SORBS2: variants seen among roughly 807,000 people sequenced by gnomAD.
The protein encoded by SORBS2 is sorbin and SH3 domain containing 2.
Under a neutral mutation model 97.7 loss-of-function variants are expected in SORBS2, and 46 were observed. The ratio of observed to expected loss-of-function variants is 0.47; its 90% CI spans 0.37 to 0.60. The LOEUF (loss-of-function observed/expected upper bound fraction) is 0.60, where lower values mean the gene tolerates loss of function less well. Among genes scored for constraint, SORBS2 ranks in the 20% least tolerant of loss-of-function variants. SORBS2 has a pLI of 0.00. For missense variants in SORBS2, 1,316 were observed against 1,282.3 expected, an observed-to-expected ratio of 1.03 and a Z score of -0.40; for synonymous variants, 476 against 473.4, an observed-to-expected ratio of 1.01 and a Z score of -0.07.
In SORBS2 at chr4:185,606,899, C is replaced by T. The variant is rs2096435659; in HGVS notation, c.2796+4881G>A. ...GCCACAAAATTATCCCCTAGGACTT[C>T]TGGTGCCTTTTTAGGGTCTGAGAAG... On this transcript the variant is annotated intron_variant, in intron 12 of 14. Coordinates refer to ENST00000418609, the Ensembl canonical transcript of SORBS2. This position sits in a 1 kb window ranked among gnomAD's most constrained non-coding sequence, Gnocchi z 4.3. 18 of 988,794 alleles carry T rather than the reference C, an allele frequency of 1.8e-5. No homozygotes were observed. Among genetic ancestry groups the T allele is most frequent in the Non-Finnish European group, 2.2e-5 (18 of 831,806 alleles). The allele number at this position is 988,794 out of a possible 1,614,324, so 61.3% of individuals were successfully genotyped here.
chr4:185,655,503 GACCTGGACCT>G (rs2097384314), intron 1 of SORBS2, among the ~76,000 whole-genome samples: 1 of 152,188 alleles, frequency 6.6e-6, no homozygotes, highest in African/African-American at 2.4e-5. Flanking sequence ...AGTCCTCATA[GACCTGGACCT>G]TCTTTGTCAA....
intron 2 of SORBS2, among the ~76,000 whole-genome samples, chr4:185,736,684 A>C (rs909024013): frequency 6.6e-5 from 10 of 152,182 alleles, no homozygotes; most frequent in Non-Finnish European, 1.2e-4. Context: ...TGCTTGGCTC[A>C]GGGCCACTGG....
At chr4:185,800,944 G>T (rs927260560) in intron 1 of SORBS2, among the ~76,000 whole-genome samples, 7 of 152,162 alleles carry the variant, frequency 4.6e-5, no homozygotes, top group African/African-American at 1.7e-4. Flanking sequence ...AGCTGCAAGT[G>T]TGCAATGTGG....
At position 185,606,275 on chromosome 4, in the gene SORBS2, G is replaced by A. The variant is rs2096416114; in HGVS notation, c.2796+5505C>T. ...GAATAGTGTCTGATACTCAGTAAGA[G>A]CTCCACTATTAGCTATCATTGTTAA... is the stretch of plus-strand genomic sequence containing the variant. On this transcript the variant is annotated intron_variant, in intron 12 of 14. Transcript: ENST00000418609. The surrounding 1 kb of genome is among the most constrained non-coding windows in gnomAD (Gnocchi z 4.3). 1 of 982,370 alleles carries A rather than the reference G, an allele frequency of 1.0e-6. No individual in the cohort carries two copies. The highest frequency in any genetic ancestry group is 1.2e-6 in the Non-Finnish European group (1 of 827,404). 60.9% of individuals were successfully genotyped at this position (982,370 alleles called of 1,614,324 possible). A position where few individuals can be genotyped will look rare whatever the true frequency, so the allele number is the denominator to read the frequency against.
At chr4:185,756,208 C>G (rs1209426042) in intron 2 of SORBS2, among the ~76,000 whole-genome samples, 1 of 152,156 alleles carries the variant, frequency 6.6e-6, no homozygotes, top group Non-Finnish European at 1.5e-5. Context: ...CAGTTCATAA[C>G]TGTTATTTTA....
chr4:185,753,807 T>G (rs1312127339), intron 2 of SORBS2, among the ~76,000 whole-genome samples: 1 of 152,202 alleles, frequency 6.6e-6, no homozygotes, highest in Non-Finnish European at 1.5e-5. Context: ...ATTATTCACC[T>G]ATCTTTTTAA....
chr4:185,596,421 T>G (rs1206278288), intron 12 of SORBS2, among the ~76,000 whole-genome samples: 1 of 152,190 alleles, frequency 6.6e-6, no homozygotes, highest in Non-Finnish European at 1.5e-5. Flanking sequence ...AACTGTCCCA[T>G]TGACCATTAT....
In SORBS2 at chr4:185,735,442, C is replaced by CT. The variant is rs535514081; in HGVS notation, c.-198+39784dup. Among the ~76,000 whole-genome samples the CT allele has an allele frequency of 1.4e-4, 20 of 148,062 alleles. No individual in the cohort carries two copies. The South Asian group carries it at 3.0e-3, about 22-fold the overall frequency. On this transcript the variant is annotated intron_variant, in intron 2 of 20. Transcript: ENST00000284776. ...GATATCTGCAAATTTGGTAGGAAAG[C>CT]TTTTTTTTCTAAATGGAACTATCCT...
intron 1 of SORBS2, among the ~76,000 whole-genome samples, chr4:185,795,565 A>T (rs2099101086): frequency 6.7e-6 from 1 of 149,284 alleles, no homozygotes; most frequent in Admixed American, 6.6e-5. Flanking sequence ...ACAAGATGCG[A>T]AAAAAAAGAA....
intron 4 of SORBS2, 130 bp from the exon 14 acceptor site, chr4:185,639,165 C>A: frequency 1.3e-6 from 1 of 787,256 alleles, no homozygotes; most frequent in African/African-American, 1.8e-5. Context: ...GGCGAAGTGT[C>A]CCTAGGGACC....
intron 2 of SORBS2, among the ~76,000 whole-genome samples, chr4:185,750,426 T>C (rs915527363): frequency 5.9e-5 from 9 of 152,136 alleles, no homozygotes; most frequent in African/African-American, 2.2e-4. Context: ...ATCATAGGTG[T>C]GAAAAGACTC....
chr4:185,731,832 TTCTCTCTCTC>T lies in SORBS2; in HGVS notation c.-198+43385_-198+43394del, dbSNP rs1201714307. On this transcript the variant is annotated intron_variant, in intron 2 of 20. Transcript: ENST00000284776. ...CCTCCCTCCCTGCCTGTCTCTCTCT[TTCTCTCTCTC>T]TCTCTCTCTCTCTCTCTCTCTCTCT... Among the ~76,000 whole-genome samples the T allele has an allele frequency of 3.2e-3, 107 of 33,288 alleles. 1 individual carries two copies. Among genetic ancestry groups the T allele is most frequent in the African/African-American group, 7.9e-3 (65 of 8,254 alleles). 21.8% of individuals were successfully genotyped at this position (33,288 alleles called of 152,430 possible). A position where few individuals can be genotyped will look rare whatever the true frequency, so the allele number is the denominator to read the frequency against.
At chr4:185,767,499 C>CA (rs70962594) in intron 2 of SORBS2, among the ~76,000 whole-genome samples, 13,920 of 60,372 alleles carry the variant, frequency 0.23, 1,309 homozygotes, top group Middle Eastern at 0.33. Flanking sequence ...GACTCTGTCT[C>CA]AAAAAAAAAA....
At chr4:185,911,129 T>C (rs2099254826) in intron 1 of SORBS2, among the ~76,000 whole-genome samples, 1 of 152,218 alleles carries the variant, frequency 6.6e-6, no homozygotes. Context: ...CAAACAAGTT[T>C]ATGCCCTTTC....
In SORBS2 at chr4:185,783,616, T is replaced by C. The variant is rs181596451; in HGVS notation, c.-337-8250A>G. On this transcript the variant is annotated intron_variant, in intron 1 of 20. Coordinates refer to the SORBS2 transcript ENST00000284776. ...AGAGATCAGTAACCATGTTGTAGTT[T>C]AAAAAAAAAATGCGAAGTCTTTGTT... Among the ~76,000 whole-genome samples, 184 of 150,760 alleles carry C rather than the reference T, an allele frequency of 1.2e-3. 1 individual carries two copies. Among genetic ancestry groups the C allele is most frequent in the Admixed American group, 2.5e-3 (38 of 15,138 alleles).
At chr4:185,893,053 G>A (rs2099243260) in intron 1 of SORBS2, among the ~76,000 whole-genome samples, 1 of 152,150 alleles carries the variant, frequency 6.6e-6, no homozygotes, top group Non-Finnish European at 1.5e-5. Context: ...GATTACTATT[G>A]AGAGCTAGTG....
chr4:185,807,094 CA>C (rs1561155940), intron 1 of SORBS2, among the ~76,000 whole-genome samples: 2 of 151,590 alleles, frequency 1.3e-5, no homozygotes, highest in Non-Finnish European at 1.5e-5. Flanking sequence ...TTTAAAAAAT[CA>C]AAAATTTAAT....
intron 2 of SORBS2, among the ~76,000 whole-genome samples, chr4:185,769,501 TTTGTTTTTGAAAGAGTCTTGCTC>T (rs938446126): frequency 3.3e-5 from 5 of 152,158 alleles, no homozygotes; most frequent in African/African-American, 1.2e-4. Flanking sequence ...TACTACTATT[TTTGTTTTTGAAAGAGTCTTGCTC>T]TTGTTGCCCA....
At chr4:185,597,095 CTAAT>C (rs1461400628) in intron 12 of SORBS2, among the ~76,000 whole-genome samples, 1 of 152,174 alleles carries the variant, frequency 6.6e-6, no homozygotes, top group Non-Finnish European at 1.5e-5. Flanking sequence ...GGAAAGCTGA[CTAAT>C]TACAGTACTT....
Sources: gnomAD v4.1 joint callset for allele counts (sites outside exome capture counted in the v4.1 genomes callset) on GRCh38, gnomAD v4.1.1 for gene constraint, Gnocchi (gnomAD v3.1) non-coding constraint, MANE v1.5 for transcripts, NCBI Gene and HGNC (gene_info 2026-07-23, HGNC 2026-07-21) for gene names.